The following SLC40A1 variants were observed in gnomAD, a reference collection of about 807,000 sequenced individuals.
The protein encoded by SLC40A1 is solute carrier family 40 member 1.
Under a neutral mutation model 53.5 loss-of-function variants are expected in SLC40A1, and 16 were observed. That is an observed-to-expected ratio of 0.30 (90% CI 0.20 to 0.45). The LOEUF (loss-of-function observed/expected upper bound fraction) is 0.45. Ranked by LOEUF, SLC40A1 falls within the 20% of genes least tolerant of loss-of-function variation. The probability of loss-of-function intolerance (pLI) is 1.00; values close to 1 mark genes in which losing one functional copy is unlikely to be tolerated. For synonymous variants in SLC40A1, 247 were observed against 253.2 expected (o/e 0.98, Z 0.23); for missense variants, 545 against 695.4 (o/e 0.78, Z 2.43).
chr2:189,569,985 C>T (rs746863), intron 5 of SLC40A1, among the ~76,000 whole-genome samples: 77,968 of 97,678 alleles, frequency 0.8, 31,675 homozygotes, highest in East Asian at 0.87. Flanking sequence ...TATATATATA[C>T]ACACCTATAT....
chr2:189,565,425 G>C lies in SLC40A1; in HGVS notation c.689C>G (p.Thr230Ser). 1 of 1,614,224 alleles carries C rather than the reference G, an allele frequency of 6.2e-7. No homozygotes were observed. Among genetic ancestry groups the C allele is most frequent in the Non-Finnish European group, 8.5e-7 (1 of 1,180,028 alleles). ...ACCAGCTTTCACAGCTAGAGCTGGG[G>C]TTTTCTGGTAAACCTTCCAGAGCAG... is the stretch of plus-strand genomic sequence containing the variant. Reference protein sequence around the residue: ...YVLLWKVYQKTPALAVKAGLK... With the variant: ...YVLLWKVYQKSPALAVKAGLK... The change falls in exon 6 of 8, where the codon ACC becomes AGC. Residue 230 changes from threonine (T) to serine (S), a missense_variant. Physicochemically the swap from Thr to Ser is moderately conservative, Grantham distance 58. Transcript: ENST00000261024.
intron 7 of SLC40A1, among the ~76,000 whole-genome samples, chr2:189,562,644 G>A (rs570377079): frequency 4.8e-4 from 73 of 152,024 alleles, no homozygotes; most frequent in Non-Finnish European, 7.4e-4. Flanking sequence ...GTCTTGCCTG[G>A]AAATTAATAT....
At position 189,563,795 on chromosome 2, in the gene SLC40A1, G is replaced by C. The variant is rs1213886762; in HGVS notation, c.1191C>G (p.Pro397=). The C allele has an allele frequency of 6.2e-7, 1 of 1,614,008 alleles. No individual in the cohort carries two copies. Among genetic ancestry groups the C allele is most frequent in the Admixed American group, 1.7e-5 (1 of 59,992 alleles). Residue 397 remains proline, a synonymous_variant, in exon 7 of 8, where the codon CCC becomes CCG. Coordinates refer to ENST00000261024, the MANE Select transcript of SLC40A1 (RefSeq NM_014585.6). ...CVISVFMPGS[P]LDLSVSPFED... ...CAAAAGGAGAAACGGACAAGTCCAGGGGGCTTCCAGGCATGAATACAGAGA... is the reference window on the plus strand; with the variant it reads ...CAAAAGGAGAAACGGACAAGTCCAGCGGGCTTCCAGGCATGAATACAGAGA...
Position 189,580,513 on chromosome 2 carries a change from C to A in SLC40A1, c.-53G>T. The stretch of plus-strand genomic sequence containing the variant: ...TGCGGCTGCTATCGCTGCTGCTGCT[C>A]TCGCTGAGGTGCTTGTTAACAGGAG... On this transcript the variant is annotated 5_prime_UTR_variant, in exon 1 of 8. Transcript: ENST00000261024. 2 of 1,611,130 alleles carry A rather than the reference C, an allele frequency of 1.2e-6. No individual in the cohort carries two copies. The highest frequency in any genetic ancestry group is 1.1e-5 in the South Asian group (1 of 91,080).
rs1245686098 is a variant in SLC40A1 at position 189,565,379 on chromosome 2, T to G, written c.735A>C (p.Glu245Asp). 1 of 1,614,244 alleles carries G rather than the reference T, an allele frequency of 6.2e-7. No individual in the cohort carries two copies. Among genetic ancestry groups the G allele is most frequent in the African/African-American group, 1.3e-5 (1 of 75,070 alleles). ...VKAGLKEEETELKQLNLHKDT... is the reference protein window; with the variant it reads ...VKAGLKEEETDLKQLNLHKDT... ...CTTTGTGTAAATTCAGCTGTTTCAATTCAGTTTCCTCTTCTTTAAGACCAG... is the reference window on the plus strand; with the variant it reads ...CTTTGTGTAAATTCAGCTGTTTCAAGTCAGTTTCCTCTTCTTTAAGACCAG... Residue 245 changes from glutamate (E) to aspartate (D), a missense_variant, in exon 6 of 8, where the codon GAA becomes GAC. Coordinates refer to ENST00000261024, the MANE Select transcript of SLC40A1 (RefSeq NM_014585.6).
intron 6 of SLC40A1, among the ~76,000 whole-genome samples, chr2:189,564,430 T>C (rs974782518): frequency 6.6e-6 from 1 of 152,006 alleles, no homozygotes; most frequent in Non-Finnish European, 1.5e-5. Context: ...ATAAACAAAA[T>C]ACTATTGATC....
rs756895365 is a variant in SLC40A1 at position 189,575,271 on chromosome 2, T to C, written c.161A>G (p.Tyr54Cys). 1.2e-6 allele frequency: 2 copies of C among 1,614,120 alleles called. No homozygotes were observed. Among genetic ancestry groups the C allele is most frequent in the Non-Finnish European group, 1.7e-6 (2 of 1,179,960 alleles). ...FAVSVFLVEL[Y>C]GNSLLLTAVY... ...TGCTGTCAAAAGGAGGCTGTTTCCA[T>C]AGAGCTCTACCAGAAACACAGACAC... The change falls in exon 3 of 8, where the codon TAT becomes TGT. Residue 54 changes from tyrosine (Y) to cysteine (C), a missense_variant. Coordinates refer to ENST00000261024, the MANE Select transcript of SLC40A1 (RefSeq NM_014585.6).
In SLC40A1 at chr2:189,562,203, TA is replaced by T. The variant is rs1384664939; in HGVS notation, c.1403-13del. On this transcript the variant is annotated splice_polypyrimidine_tract_variant and intron_variant, in intron 7 of 7. Coordinates refer to ENST00000261024, the MANE Select transcript of SLC40A1 (RefSeq NM_014585.6). ...AAAGGACCAAAGACCTATAATAAAA[TA>T]TTTTTTTAAAGATTAGATTTTAGTT... 23 of 1,574,572 alleles carry T rather than the reference TA, an allele frequency of 1.5e-5. No homozygotes were observed. Among genetic ancestry groups the T allele is most frequent in the Non-Finnish European group, 1.9e-5 (22 of 1,158,044 alleles).
chr2:189,575,076 C>A, intron 3 of SLC40A1, 85 bp downstream of exon 3: 1 of 1,471,976 alleles, frequency 6.8e-7, no homozygotes, highest in Non-Finnish European at 9.5e-7. Context: ...TTGTTTCTCT[C>A]CTAGTTTGTT....
At position 189,560,868 on chromosome 2, in the gene SLC40A1, G is replaced by A. The variant is rs1395875840; in HGVS notation, c.*1010C>T. 1 of 152,416 alleles carries A rather than the reference G, an allele frequency of 6.6e-6. No homozygotes were observed. Among genetic ancestry groups the A allele is most frequent in the Non-Finnish European group, 1.5e-5 (1 of 68,034 alleles). 9.4% of individuals were successfully genotyped at this position (152,416 alleles called of 1,614,324 possible). On this transcript the variant is annotated 3_prime_UTR_variant, in exon 8 of 8. Coordinates refer to ENST00000261024, the MANE Select transcript of SLC40A1 (RefSeq NM_014585.6). ...CTATTCTTCTCAAAGGCATTTGAAA[G>A]GGATACTTTTATGAATATTCTTGCT... is the stretch of plus-strand genomic sequence containing the variant.
At chr2:189,573,942 G>A (rs1028605249) in intron 3 of SLC40A1, among the ~76,000 whole-genome samples, 2 of 152,058 alleles carry the variant, frequency 1.3e-5, no homozygotes, top group Admixed American at 1.3e-4. Context: ...ACTAAATAAG[G>A]TTCTTAGCTT....
chr2:189,568,213 G>C (rs952811130), intron 5 of SLC40A1, among the ~76,000 whole-genome samples: 49 of 152,086 alleles, frequency 3.2e-4, no homozygotes, highest in African/African-American at 1.2e-3. Context: ...CTTAGGCCGG[G>C]TGCAGTGGCC....
chr2:189,561,514 T>C lies in SLC40A1; in HGVS notation c.*364A>G, dbSNP rs2030737677. 1 of 184,376 alleles carries C rather than the reference T, an allele frequency of 5.4e-6. No homozygotes were observed. Among genetic ancestry groups the C allele is most frequent in the African/African-American group, 2.4e-5 (1 of 42,182 alleles). The allele number at this position is 184,376 out of a possible 1,614,324, so 11.4% of individuals were successfully genotyped here. A position where few individuals can be genotyped will look rare whatever the true frequency, so the allele number is the denominator to read the frequency against. On this transcript the variant is annotated 3_prime_UTR_variant, in exon 8 of 8. Transcript: ENST00000261024. ...AACAAGAGTGAGTTTTGCAGAAAAC[T>C]GACATATCTGAATTCTAGTACAGAT...
At position 189,565,457 on chromosome 2, in the gene SLC40A1, C is replaced by T. The variant is rs1453956325; in HGVS notation, c.657G>A (p.Glu219=). The T allele has an allele frequency of 2.5e-6, 4 of 1,614,116 alleles. No homozygotes were observed. The highest frequency in any genetic ancestry group is 3.3e-5 in the Admixed American group (2 of 60,004). Residue 219 remains glutamate, a synonymous_variant, in exon 6 of 8, where the codon GAG becomes GAA. Transcript: ENST00000261024. ...GGTAAACCTTCCAGAGCAGAACGTA[C>T]TCCACGCACATGGATACCAAGTTCC... ...SGWNLVSMCV[E]YVLLWKVYQK... is the part of the protein sequence containing the mutation.
chr2:189,571,913 C>A, intron 4 of SLC40A1, 72 bp from the exon 5 acceptor site: 1 of 979,470 alleles, frequency 1.0e-6, no homozygotes, highest in Non-Finnish European at 1.7e-6. Flanking sequence ...CTAAACAAGG[C>A]AGTTTAAAAT....
chr2:189,568,254 C>T (rs976606538), intron 5 of SLC40A1, among the ~76,000 whole-genome samples: 13 of 151,726 alleles, frequency 8.6e-5, no homozygotes, highest in Middle Eastern at 3.4e-3. Context: ...TTTGGGAGGC[C>T]GAGGCGGGTG....
chr2:189,580,771 C>A lies in SLC40A1; in HGVS notation c.-311G>T. 9.1e-7 allele frequency: 1 copy of A among 1,102,070 alleles called. No individual in the cohort carries two copies. The highest frequency in any genetic ancestry group is 1.2e-6 in the Non-Finnish European group (1 of 849,968). The allele number at this position is 1,102,070 out of a possible 1,614,324, so 68.3% of individuals were successfully genotyped here. A position where few individuals can be genotyped will look rare whatever the true frequency, so the allele number is the denominator to read the frequency against. On this transcript the variant is annotated 5_prime_UTR_variant, in exon 1 of 8. Coordinates refer to ENST00000261024, the MANE Select transcript of SLC40A1 (RefSeq NM_014585.6). ...GCGGACGCCCTGAGCCAGCTCTCTC[C>A]GCCGCCGCCGCCGCCGCCGTGGGCC...
At chr2:189,570,948 C>A (rs2031106699) in intron 5 of SLC40A1, among the ~76,000 whole-genome samples, 1 of 152,046 alleles carries the variant, frequency 6.6e-6, no homozygotes, top group Non-Finnish European at 1.5e-5. Context: ...GGAGGTGTAC[C>A]CTTCCTCCTT....
Position 189,580,608 on chromosome 2 carries a change from T to A in SLC40A1, c.-148A>T. 1 of 1,557,278 alleles carries A rather than the reference T, an allele frequency of 6.4e-7. No homozygotes were observed. Among genetic ancestry groups the A allele is most frequent in the Non-Finnish European group, 8.6e-7 (1 of 1,156,836 alleles). Reference sequence around the variant, plus strand: ...GGCAAAAAGACTACAACGACGACTTTGGCAAAGAACAAAAGAAAAGGGGCC... The same window carrying A: ...GGCAAAAAGACTACAACGACGACTTAGGCAAAGAACAAAAGAAAAGGGGCC... On this transcript the variant is annotated 5_prime_UTR_variant, in exon 1 of 8. Transcript: ENST00000261024.
Sources: allele counts gnomAD v4.1 joint callset (sites outside exome capture counted in the v4.1 genomes callset), GRCh38; gene constraint gnomAD v4.1.1; transcripts MANE v1.5; gene names NCBI Gene and HGNC (gene_info 2026-07-23, HGNC 2026-07-21).